The following MRTFB variants were observed in gnomAD, a reference collection of about 807,000 sequenced individuals.
The protein encoded by MRTFB is myocardin related transcription factor B.
In MRTFB, 29 loss-of-function variants were observed where a neutral mutation model predicts 104.2. The ratio of observed to expected loss-of-function variants is 0.28; its 90% confidence interval spans 0.21 to 0.38. MRTFB has a LOEUF of 0.38. Among genes scored for constraint, MRTFB ranks in the 10% least tolerant of loss-of-function variants. MRTFB has a pLI of 1.00. For missense variants in MRTFB, 1,270 were observed against 1,341.6 expected, an observed-to-expected ratio of 0.95 and a Z score of 0.83; for synonymous variants, 535 against 519.5, an observed-to-expected ratio of 1.03 and a Z score of -0.41.
chr16:14,156,500 C>T (rs946190795), intron 3 of MRTFB, among the ~76,000 whole-genome samples: 3 of 152,174 alleles, frequency 2.0e-5, no homozygotes, highest in Admixed American at 1.3e-4. Flanking sequence ...TGGCAAGTAG[C>T]TTTTCACTTT....
intron 10 of MRTFB, among the ~76,000 whole-genome samples, chr16:14,241,714 T>C (rs1434570108): frequency 4.6e-5 from 7 of 152,144 alleles, no homozygotes. Flanking sequence ...AACCTATTAG[T>C]AATTCAGACC....
chr16:14,085,674 C>T (rs549774762), intron 2 of MRTFB, among the ~76,000 whole-genome samples: 3 of 151,974 alleles, frequency 2.0e-5, no homozygotes, highest in South Asian at 2.1e-4. Context: ...CAAACACCCA[C>T]ATTGTGTTTG....
chr16:14,228,769 C>A (rs140291734), intron 8 of MRTFB, among the ~76,000 whole-genome samples: 1 of 147,800 alleles, frequency 6.8e-6, no homozygotes, highest in Middle Eastern at 3.4e-3. Context: ...TTCTGCATTC[C>A]GTCATTGATG....
chr16:14,206,265 C>A (rs1318163440), intron 3 of MRTFB, among the ~76,000 whole-genome samples: 1 of 152,204 alleles, frequency 6.6e-6, no homozygotes, highest in African/African-American at 2.4e-5. Flanking sequence ...CGTGGATAAG[C>A]ACCAGTACAT....
chr16:14,083,074 T>A (rs2034505119), intron 2 of MRTFB, among the ~76,000 whole-genome samples: 1 of 152,182 alleles, frequency 6.6e-6, no homozygotes, highest in South Asian at 2.1e-4. Flanking sequence ...TTTACCTCCT[T>A]GGTTCAATTT....
chr16:14,001,642 T>C, the MRTFB span, among the ~76,000 whole-genome samples: 2 of 152,180 alleles, frequency 1.3e-5, no homozygotes, highest in African/African-American at 4.8e-5. Context: ...TGTCCCACGG[T>C]GAACACTGAT....
chr16:14,088,152 A>G (rs886877073), intron 2 of MRTFB, among the ~76,000 whole-genome samples: 1 of 152,206 alleles, frequency 6.6e-6, no homozygotes, highest in Admixed American at 6.5e-5. Context: ...GGTGACTGTT[A>G]CTTATACTGT....
chr16:14,117,067 A>G (rs934728765), intron 2 of MRTFB, among the ~76,000 whole-genome samples: 4 of 152,204 alleles, frequency 2.6e-5, no homozygotes, highest in African/African-American at 9.7e-5. Flanking sequence ...CAAGGGATTG[A>G]GGTACCATAC....
At chr16:14,014,328 C>T in the MRTFB span, among the ~76,000 whole-genome samples, 4 of 152,068 alleles carry the variant, frequency 2.6e-5, no homozygotes, top group African/African-American at 9.7e-5. Context: ...GGGAGGATCA[C>T]TTGAGGCCAG....
intron 3 of MRTFB, among the ~76,000 whole-genome samples, chr16:14,198,469 C>T (rs1459165856): frequency 6.6e-6 from 1 of 152,228 alleles, no homozygotes; most frequent in African/African-American, 2.4e-5. Flanking sequence ...GTCTTTTCCT[C>T]TGATAAAAAT....
chr16:14,138,181 T>G (rs1011702268), intron 2 of MRTFB, among the ~76,000 whole-genome samples: 1 of 152,190 alleles, frequency 6.6e-6, no homozygotes, highest in African/African-American at 2.4e-5. Context: ...GTCATGTATA[T>G]TACATCTACA....
chr16:14,180,769 A>G (rs551611243), intron 3 of MRTFB, among the ~76,000 whole-genome samples: 1 of 152,298 alleles, frequency 6.6e-6, no homozygotes, highest in Non-Finnish European at 1.5e-5. Flanking sequence ...TTTGCCTTTC[A>G]TGTCCTCAGA....
At chr16:14,235,256 G>T (rs957748551) in intron 9 of MRTFB, among the ~76,000 whole-genome samples, 1 of 152,200 alleles carries the variant, frequency 6.6e-6, no homozygotes, top group Non-Finnish European at 1.5e-5. Context: ...CAGCGTGGCC[G>T]AGTATTGGTG....
At chr16:14,233,604 C>T (rs1398810560) in intron 8 of MRTFB, among the ~76,000 whole-genome samples, 4 of 151,968 alleles carry the variant, frequency 2.6e-5, no homozygotes, top group African/African-American at 4.8e-5. Flanking sequence ...GCCTGGCCAA[C>T]GTGGTGAAAC....
chr16:14,007,700 C>G, the MRTFB span, among the ~76,000 whole-genome samples: 3 of 152,072 alleles, frequency 2.0e-5, no homozygotes, highest in Non-Finnish European at 2.9e-5. Context: ...GATGATGGTT[C>G]GAATTTCACT....
intron 8 of MRTFB, among the ~76,000 whole-genome samples, chr16:14,221,456 GTACT>G (rs1277669027): frequency 1.3e-5 from 2 of 152,194 alleles, no homozygotes; most frequent in African/African-American, 2.4e-5. Context: ...CACACAGCAA[GTACT>G]TACTTTACTT....
intron 3 of MRTFB, among the ~76,000 whole-genome samples, chr16:14,146,045 T>G (rs1383047687): frequency 6.6e-6 from 1 of 152,196 alleles, no homozygotes; most frequent in Non-Finnish European, 1.5e-5. Flanking sequence ...GAATTTAAGG[T>G]TTTAAGTCAT....
At position 14,142,269 on chromosome 16, in the gene MRTFB, C is replaced by T. The variant is rs1046061651; in HGVS notation, c.154+1509C>T. On this transcript the variant is annotated intron_variant, in intron 3 of 16. Transcript: ENST00000571589. Reference sequence around the variant, plus strand: ...TCTTTTTTTTTTTTTTTTTTTGAGACGGAGTCTCACTCTGTCGCCCAGGCT... The same window carrying T: ...TCTTTTTTTTTTTTTTTTTTTGAGATGGAGTCTCACTCTGTCGCCCAGGCT... 22 of 109,320 alleles carry T rather than the reference C, an allele frequency of 2.0e-4. No individual in the cohort carries two copies. In the East Asian group the frequency reaches 6.5e-3, roughly 32 times the overall value. The allele number at this position is 109,320 out of a possible 1,614,324, so 6.8% of individuals were successfully genotyped here. A position where few individuals can be genotyped will look rare whatever the true frequency, so the allele number is the denominator to read the frequency against.
chr16:14,240,492 G>A lies in MRTFB; in HGVS notation c.1079+8G>A, dbSNP rs553988493. 6.1e-5 allele frequency: 99 copies of A among 1,614,174 alleles called. No individual in the cohort carries two copies. The highest frequency in any genetic ancestry group is 1.9e-4 in the African/African-American group (14 of 75,050). On this transcript the variant is annotated splice_region_variant and intron_variant, in intron 10 of 16. Coordinates refer to ENST00000571589, the MANE Select transcript of MRTFB (RefSeq NM_001308142.2). The stretch of plus-strand genomic sequence containing the variant: ...CCTGCCTGCACCATTCAAGTACGGC[G>A]GGGCCCATGCTATCCTCAACGCGGG...
Sources: allele counts gnomAD v4.1 joint callset (sites outside exome capture counted in the v4.1 genomes callset), GRCh38; gene constraint gnomAD v4.1.1; transcripts MANE v1.5; gene names NCBI Gene and HGNC (gene_info 2026-07-23, HGNC 2026-07-21).